The following NCALD variants were observed in gnomAD, a reference collection of about 807,000 sequenced individuals.
The protein encoded by NCALD is neurocalcin delta, also known as neurocalcin-delta.
Under a neutral mutation model 18.6 loss-of-function variants are expected in NCALD, and 10 were observed. That is an observed-to-expected ratio of 0.54 (90% CI 0.33 to 0.91). The LOEUF is 0.91. Ranked by LOEUF, NCALD falls within the 40% of genes least tolerant of loss-of-function variation. The pLI, the probability that NCALD is intolerant of heterozygous loss-of-function variation, is 0.03. For synonymous variants in NCALD, 88 were observed against 87.4 expected (o/e 1.01, Z -0.04); for missense variants, 184 against 247.6 (o/e 0.74, Z 1.72).
intron 4 of NCALD, among the ~76,000 whole-genome samples, chr8:101,828,867 C>T (rs1814053883): frequency 6.6e-6 from 1 of 150,968 alleles, no homozygotes; most frequent in South Asian, 2.1e-4. Flanking sequence ...TTTGTATAAC[C>T]ACCATCTAGA....
chr8:101,923,646 T>C (rs1477830732), intron 2 of NCALD, among the ~76,000 whole-genome samples: 1 of 152,244 alleles, frequency 6.6e-6, no homozygotes, highest in Non-Finnish European at 1.5e-5. Flanking sequence ...CCTTTTGTAA[T>C]AGTGATAATG....
At chr8:101,818,787 C>A (rs977001718) in intron 4 of NCALD, among the ~76,000 whole-genome samples, 9 of 152,056 alleles carry the variant, frequency 5.9e-5, no homozygotes, top group African/African-American at 2.2e-4. Context: ...AGGTGGATCA[C>A]CTGAGGTCAG....
intron 2 of NCALD, among the ~76,000 whole-genome samples, chr8:101,948,562 G>C (rs1819268756): frequency 6.6e-6 from 1 of 152,220 alleles, no homozygotes; most frequent in African/African-American, 2.4e-5. Context: ...TTAGCATATA[G>C]ATGGTGATTA....
At chr8:102,095,739 T>C (rs501493) in intron 1 of NCALD, among the ~76,000 whole-genome samples, 34,491 of 152,168 alleles carry the variant, frequency 0.23, 4,725 homozygotes, top group East Asian at 0.42. Flanking sequence ...TATCTGAAGA[T>C]GGTTTTTTCA....
rs757639944 is a variant in NCALD at position 101,719,344 on chromosome 8, TC to T, written c.285del (p.Lys96SerfsTer6). 1 of 1,614,162 alleles carries T rather than the reference TC, an allele frequency of 6.2e-7. No individual in the cohort carries two copies. The highest frequency in any genetic ancestry group is 8.5e-7 in the Non-Finnish European group (1 of 1,180,026). On this transcript the variant is annotated frameshift_variant, in exon 2 of 4. Coordinates refer to ENST00000220931, the MANE Select transcript of NCALD (RefSeq NM_032041.3). LOFTEE classifies it high-confidence loss of function. Reference sequence around the variant, plus strand: ...GCCCATTTCAGCTTCTGCTCCAGCTTCCCCCTCGAAGTTACACTCAAGGCGA... The same window carrying T: ...GCCCATTTCAGCTTCTGCTCCAGCTTCCCCTCGAAGTTACACTCAAGGCGA... ...FIIALSVTSRGKLEQKLKWAF... is the reference protein window; with the variant it reads ...FIIALSVTSRXKLEQKLKWAF...
chr8:101,801,473 C>T (rs542298429), intron 4 of NCALD, among the ~76,000 whole-genome samples: 1 of 151,462 alleles, frequency 6.6e-6, no homozygotes, highest in African/African-American at 2.4e-5. Context: ...AAGGTCTTGA[C>T]ACATTATAAA....
chr8:102,001,779 C>A (rs1246628473), intron 2 of NCALD, among the ~76,000 whole-genome samples: 1 of 152,186 alleles, frequency 6.6e-6, no homozygotes, highest in East Asian at 1.9e-4. Context: ...CCAAACTAAG[C>A]TTCATAAGTG....
At chr8:101,936,679 C>T (rs1239649682) in intron 2 of NCALD, among the ~76,000 whole-genome samples, 1 of 152,082 alleles carries the variant, frequency 6.6e-6, no homozygotes, top group Non-Finnish European at 1.5e-5. Context: ...GAGGTCTGGA[C>T]ATTAGTATGT....
intron 2 of NCALD, among the ~76,000 whole-genome samples, chr8:102,003,375 G>C (rs1382831692): frequency 6.6e-6 from 1 of 152,192 alleles, no homozygotes; most frequent in East Asian, 1.9e-4. Context: ...CTCTGAAATT[G>C]AGGCAATAAT....
intron 2 of NCALD, among the ~76,000 whole-genome samples, chr8:102,010,493 A>G (rs774198735): frequency 6.6e-6 from 1 of 152,250 alleles, no homozygotes. Flanking sequence ...GACTTCAACT[A>G]TAAAAGTCTT....
At chr8:102,057,228 A>T (rs1372339569) in intron 1 of NCALD, among the ~76,000 whole-genome samples, 1 of 149,174 alleles carries the variant, frequency 6.7e-6, no homozygotes, top group African/African-American at 2.5e-5. Flanking sequence ...TTCTGCCTGG[A>T]ACATTCTCCC....
intron 1 of NCALD, among the ~76,000 whole-genome samples, chr8:101,723,075 G>A (rs1816431134): frequency 6.6e-6 from 1 of 152,188 alleles, no homozygotes. Flanking sequence ...CTGCCCGTTT[G>A]AGTCGAAGGG....
At chr8:102,050,557 T>G (rs1233228640) in intron 1 of NCALD, among the ~76,000 whole-genome samples, 1 of 150,762 alleles carries the variant, frequency 6.6e-6, no homozygotes, top group African/African-American at 2.4e-5. Flanking sequence ...CCAATTTTTT[T>G]AGGGTCTCAT....
intron 2 of NCALD, among the ~76,000 whole-genome samples, chr8:101,709,497 C>T (rs1815686951): frequency 6.6e-6 from 1 of 152,142 alleles, no homozygotes; most frequent in Non-Finnish European, 1.5e-5. Context: ...TTTGGCCTTT[C>T]AAGGGTCTTA....
chr8:101,804,938 C>A (rs76463006), intron 4 of NCALD, among the ~76,000 whole-genome samples: 5 of 151,720 alleles, frequency 3.3e-5, no homozygotes, highest in Admixed American at 2.0e-4. Flanking sequence ...AACTGAATGA[C>A]AAAAATATAT....
At chr8:101,813,403 G>A (rs1406381995) in intron 4 of NCALD, among the ~76,000 whole-genome samples, 3 of 152,052 alleles carry the variant, frequency 2.0e-5, no homozygotes, top group Non-Finnish European at 4.4e-5. Flanking sequence ...ATGATGAACT[G>A]GGCAAACATG....
chr8:101,930,642 G>C (rs546815639), intron 2 of NCALD, among the ~76,000 whole-genome samples: 13 of 152,094 alleles, frequency 8.5e-5, no homozygotes, highest in African/African-American at 3.1e-4. Flanking sequence ...CACATCTCCT[G>C]TTCCACACAA....
intron 1 of NCALD, among the ~76,000 whole-genome samples, chr8:102,071,571 G>A (rs1353651023): frequency 6.6e-6 from 1 of 152,162 alleles, no homozygotes; most frequent in African/African-American, 2.4e-5. Context: ...ACCTTTATTA[G>A]CAGGTTACAT....
At chr8:101,778,476 G>A (rs980678256) in intron 1 of NCALD, among the ~76,000 whole-genome samples, 2 of 152,040 alleles carry the variant, frequency 1.3e-5, no homozygotes, top group African/African-American at 4.8e-5. Context: ...GACAAAGAAG[G>A]TAACTTTTTT....
Sources: allele counts gnomAD v4.1 joint callset (sites outside exome capture counted in the v4.1 genomes callset), GRCh38; gene constraint gnomAD v4.1.1; transcripts MANE v1.5; gene names NCBI Gene and HGNC (gene_info 2026-07-23, HGNC 2026-07-21).